The following UGT8 variants were observed in gnomAD, a reference collection of about 807,000 sequenced individuals.
UGT8 encodes 2-hydroxyacylsphingosine 1-beta-galactosyltransferase.
A neutral mutation model predicts 40.5 loss-of-function variants in UGT8; 12 were observed. That is an observed-to-expected ratio of 0.30 (90% CI 0.19 to 0.48). The LOEUF (loss-of-function observed/expected upper bound fraction) is 0.48. Among genes scored for constraint, UGT8 ranks in the 20% least tolerant of loss-of-function variants. The pLI is 0.99. For missense variants in UGT8, 513 were observed against 648.7 expected (o/e 0.79, Z 2.27); for synonymous variants, 224 against 240.4 (o/e 0.93, Z 0.63).
chr4:114,661,460 G>A (rs1372951638), intron 2 of UGT8, among the ~76,000 whole-genome samples: 3 of 152,152 alleles, frequency 2.0e-5, no homozygotes, highest in Non-Finnish European at 2.9e-5. Context: ...TTCTTATCGT[G>A]AAGTTCCAAT....
In UGT8 at chr4:114,676,130, T is replaced by C; in HGVS notation, c.1468T>C (p.Phe490Leu). The change falls in exon 6 of 6, where the codon TTT becomes CTT. Residue 490 changes from phenylalanine (F) to leucine (L), a missense_variant. Around this residue, in one of 3 missense-constraint regions of UGT8, gnomAD observed 175 missense variants for 186.7 expected, o/e 0.94. Coordinates refer to ENST00000310836, the MANE Select transcript of UGT8 (RefSeq NM_001128174.3). The part of the protein sequence containing the change: ...VLLLGAALLY[F>L]LLSWVTKFIY... ...TTTGCTTGGTGCTGCCTTGTTATAC[T>C]TTCTCTTGTCTTGGGTGACAAAATT... 4 of 1,614,234 alleles carry C rather than the reference T, an allele frequency of 2.5e-6. No homozygotes were observed. The highest frequency in any genetic ancestry group is 3.4e-6 in the Non-Finnish European group (4 of 1,180,042).
chr4:114,644,692 G>A (rs1333270224), intron 2 of UGT8, among the ~76,000 whole-genome samples: 1 of 152,078 alleles, frequency 6.6e-6, no homozygotes, highest in Non-Finnish European at 1.5e-5. Flanking sequence ...GCCTTTTGCT[G>A]CCTAAAATGT....
At chr4:114,632,833 G>A (rs4834424) in intron 2 of UGT8, among the ~76,000 whole-genome samples, 132,816 of 152,202 alleles carry the variant, frequency 0.87, 59,916 homozygotes, top group East Asian at 1. Context: ...AACGTAATCC[G>A]AAGTTGCAAA....
intron 5 of UGT8, among the ~76,000 whole-genome samples, chr4:114,672,531 C>G (rs1197614408): frequency 6.6e-6 from 1 of 152,102 alleles, no homozygotes; most frequent in Non-Finnish European, 1.5e-5. Flanking sequence ...ATGGATGAAG[C>G]TGGAAGCCAT....
chr4:114,668,354 A>T (rs763055908), intron 5 of UGT8, 50 bp downstream of exon 5: 9 of 1,457,812 alleles, frequency 6.2e-6, no homozygotes, highest in Non-Finnish European at 8.6e-6. Context: ...ACCACAGTAT[A>T]TTGTCAGTAG....
chr4:114,609,664 C>T (rs895114805), intron 1 of UGT8, among the ~76,000 whole-genome samples: 11 of 152,174 alleles, frequency 7.2e-5, no homozygotes, highest in South Asian at 2.1e-4. Context: ...GGCATCTGCC[C>T]ATCAGTAGGA....
intron 2 of UGT8, among the ~76,000 whole-genome samples, chr4:114,631,466 G>A (rs528929287): frequency 4.6e-5 from 7 of 152,366 alleles, no homozygotes; most frequent in South Asian, 2.1e-4. Context: ...CAGCCTGGGC[G>A]ACAGAGTGAG....
chr4:114,650,331 G>A (rs189766853), intron 2 of UGT8, among the ~76,000 whole-genome samples: 2 of 152,286 alleles, frequency 1.3e-5, no homozygotes, highest in South Asian at 2.1e-4. Context: ...ACCCATTTAT[G>A]CCGGAGGTTG....
At chr4:114,643,636 G>A (rs969253682) in intron 2 of UGT8, among the ~76,000 whole-genome samples, 2 of 152,178 alleles carry the variant, frequency 1.3e-5, no homozygotes. Flanking sequence ...TGCACAGTAG[G>A]TACTCAGTGA....
At chr4:114,634,986 G>A (rs1215678376) in intron 2 of UGT8, among the ~76,000 whole-genome samples, 1 of 151,414 alleles carries the variant, frequency 6.6e-6, no homozygotes, top group Non-Finnish European at 1.5e-5. Context: ...CAAGTGAGAG[G>A]CATAGAAAAG....
At chr4:114,670,468 T>TGATCAAGTTGGTTTCA (rs1735188396) in intron 5 of UGT8, among the ~76,000 whole-genome samples, 1 of 142,934 alleles carries the variant, frequency 7.0e-6, no homozygotes, top group African/African-American at 2.5e-5. Flanking sequence ...TTATCCACTA[T>TGATCAAGTTGGTTTCA]GATCAAGTTG....
chr4:114,626,158 G>C (rs1301363797), intron 2 of UGT8, among the ~76,000 whole-genome samples: 2 of 152,078 alleles, frequency 1.3e-5, no homozygotes, highest in Admixed American at 6.6e-5. Flanking sequence ...ACTCTTTCAG[G>C]TATTCCTTAT....
At chr4:114,628,068 C>T (rs541722307) in intron 2 of UGT8, among the ~76,000 whole-genome samples, 1 of 152,190 alleles carries the variant, frequency 6.6e-6, no homozygotes, top group Admixed American at 6.5e-5. Flanking sequence ...TCTGTTTGTT[C>T]TAAATTTGTG....
chr4:114,601,593 A>T (rs1421128699), intron 1 of UGT8, among the ~76,000 whole-genome samples: 1 of 152,164 alleles, frequency 6.6e-6, no homozygotes, highest in African/African-American at 2.4e-5. Flanking sequence ...GAAACTTAAA[A>T]AAAAAGAGCC....
chr4:114,642,035 G>A (rs951892815), intron 2 of UGT8, among the ~76,000 whole-genome samples: 1 of 152,048 alleles, frequency 6.6e-6, no homozygotes, highest in Admixed American at 6.6e-5. Context: ...AGGAAAGGGG[G>A]CTTATTATCC....
At chr4:114,640,016 T>C (rs1733109726) in intron 2 of UGT8, among the ~76,000 whole-genome samples, 1 of 147,168 alleles carries the variant, frequency 6.8e-6, no homozygotes, top group Non-Finnish European at 1.5e-5. Flanking sequence ...TAGTTTCATG[T>C]AAAAATATGT....
chr4:114,622,999 C>T lies in UGT8; in HGVS notation c.119C>T (p.Thr40Met), dbSNP rs369373697. 5.3e-5 allele frequency: 85 copies of T among 1,614,086 alleles called. No homozygotes were observed. Among genetic ancestry groups the T allele is most frequent in the Admixed American group, 6.7e-5 (4 of 59,988 alleles). Residue 40 changes from threonine (T) to methionine (M), a missense_variant, in exon 2 of 6, where the codon ACG (threonine) becomes ATG (methionine). Transcript: ENST00000310836. ...MFESHMYIFK[T>M]LASALHERGH... Reference sequence around the variant, plus strand: ...GAAAGCCATATGTACATTTTCAAGACGCTAGCCTCAGCCTTGCACGAGAGA... The same window carrying T: ...GAAAGCCATATGTACATTTTCAAGATGCTAGCCTCAGCCTTGCACGAGAGA...
intron 1 of UGT8, among the ~76,000 whole-genome samples, chr4:114,610,765 G>C (rs1303340112): frequency 6.6e-6 from 1 of 152,050 alleles, no homozygotes; most frequent in African/African-American, 2.4e-5. Context: ...TTTGTTTCTT[G>C]TTCTGATTTG....
chr4:114,649,297 A>C lies in UGT8; in HGVS notation c.823-14698A>C, dbSNP rs528974965. Reference sequence around the variant, plus strand: ...TTGCCTATTTGAGTGATACTGGCCTAGCCATATTTACAGTCAATCAGAAGC... The same window carrying C: ...TTGCCTATTTGAGTGATACTGGCCTCGCCATATTTACAGTCAATCAGAAGC... On this transcript the variant is annotated intron_variant, in intron 2 of 5. Transcript: ENST00000310836. Among the ~76,000 whole-genome samples the C allele has an allele frequency of 7.2e-5, 11 of 152,264 alleles. No homozygotes were observed. The South Asian group carries it at 2.3e-3, about 32-fold the overall frequency.
Sources: gnomAD v4.1 joint callset for allele counts (sites outside exome capture counted in the v4.1 genomes callset) on GRCh38, gnomAD v4.1.1 for gene constraint, gnomAD v4.1.1 regional missense constraint, MANE v1.5 for transcripts, NCBI Gene and HGNC (gene_info 2026-07-23, HGNC 2026-07-21) for gene names.